Variants in TCF4 observed in about 807,000 individuals in gnomAD.
TCF4 encodes the protein SL3-3 enhancer factor 2.
Under a neutral mutation model 82.1 loss-of-function variants are expected in TCF4, and 3 were observed. The observed-to-expected ratio is 0.04, with a 90% CI of 0.02 to 0.09. The LOEUF (loss-of-function observed/expected upper bound fraction) is 0.09. Ranked by LOEUF, TCF4 falls within the 10% of genes least tolerant of loss-of-function variation. The pLI, the probability that TCF4 is intolerant of heterozygous loss-of-function variation, is 1.00. For synonymous variants in TCF4, 276 were observed against 309.6 expected (o/e 0.89, Z 1.14); for missense variants, 518 against 852.7 (o/e 0.61, Z 4.89).
intron 13 of TCF4, among the ~76,000 whole-genome samples, chr18:55,259,375 T>C (rs992311151): frequency 6.6e-6 from 1 of 152,192 alleles, no homozygotes; most frequent in African/African-American, 2.4e-5. Context: ...CAAATTATAG[T>C]TATTCAATTT....
chr18:55,434,763 C>CGCGTGT (rs1556348983), intron 5 of TCF4, among the ~76,000 whole-genome samples: 4 of 131,722 alleles, frequency 3.0e-5, no homozygotes, highest in Admixed American at 1.6e-4. Context: ...CTCAAGTATT[C>CGCGTGT]GTGTGTGTGT....
chr18:55,483,150 G>A (rs56029033), intron 3 of TCF4, among the ~76,000 whole-genome samples: 5,226 of 152,238 alleles, frequency 0.034, 112 homozygotes, highest in Non-Finnish European at 0.052. Flanking sequence ...GGATGGCTGT[G>A]TCTTTAGCCC....
chr18:55,228,201 A>C lies in TCF4; in HGVS notation c.*4+20T>G. Reference sequence around the variant, plus strand: ...GAGTTTTGAATGATCGATCTCAGAAATGGCTGAAAACAAACTTGCCCTTTT... The same window carrying C: ...GAGTTTTGAATGATCGATCTCAGAACTGGCTGAAAACAAACTTGCCCTTTT... On this transcript the variant is annotated intron_variant, in intron 19 of 19. Transcript: ENST00000354452. The C allele has an allele frequency of 1.2e-6, 2 of 1,614,156 alleles. No individual in the cohort carries two copies. Among genetic ancestry groups the C allele is most frequent in the Non-Finnish European group, 1.7e-6 (2 of 1,180,002 alleles).
At chr18:55,379,236 G>A (rs774690856) in intron 6 of TCF4, among the ~76,000 whole-genome samples, 14 of 152,152 alleles carry the variant, frequency 9.2e-5, no homozygotes, top group Non-Finnish European at 1.9e-4. Flanking sequence ...TGGAGGGTGC[G>A]AAAGGAAGGC....
At chr18:55,414,592 C>A (rs1207521427) in intron 5 of TCF4, among the ~76,000 whole-genome samples, 3 of 152,124 alleles carry the variant, frequency 2.0e-5, no homozygotes, top group African/African-American at 7.2e-5. Flanking sequence ...GCCTTGTCAA[C>A]AAAAATTGTT....
rs76114389 is a variant in TCF4, at chr18:55,229,433, C to T, written c.1650-357G>A. 55 of 312,954 alleles carry T rather than the reference C, an allele frequency of 1.8e-4. No individual in the cohort carries two copies. In the East Asian group the frequency reaches 2.7e-3, roughly 16 times the overall value. 19.4% of individuals were successfully genotyped at this position (312,954 alleles called of 1,614,324 possible). ...TGCAAAGCAGGCATTCACCAACTTA[C>T]GCCTAGCATATGTTGCATAACCACG... is the stretch of plus-strand genomic sequence containing the variant. On this transcript the variant is annotated intron_variant, in intron 17 of 19. Coordinates refer to ENST00000354452, the MANE Select transcript of TCF4 (RefSeq NM_001083962.2).
intron 3 of TCF4, among the ~76,000 whole-genome samples, chr18:55,514,446 C>CA (rs71167300): frequency 2.0e-5 from 3 of 149,110 alleles, no homozygotes; most frequent in Admixed American, 6.7e-5. Context: ...CACACACACA[C>CA]CCCAATCATA....
intron 6 of TCF4, among the ~76,000 whole-genome samples, chr18:55,388,598 T>C (rs2092798846): frequency 6.6e-6 from 1 of 152,178 alleles, no homozygotes; most frequent in South Asian, 2.1e-4. Flanking sequence ...CCTCCATGAA[T>C]GATCCCTAAG....
At chr18:55,625,029 A>G (rs932147673) in intron 2 of TCF4, among the ~76,000 whole-genome samples, 1 of 152,146 alleles carries the variant, frequency 6.6e-6, no homozygotes, top group African/African-American at 2.4e-5. Context: ...AATTATGACC[A>G]TAGAGATAAA....
chr18:55,313,072 T>C (rs1462502566), intron 8 of TCF4, among the ~76,000 whole-genome samples: 1 of 152,116 alleles, frequency 6.6e-6, no homozygotes, highest in Non-Finnish European at 1.5e-5. Flanking sequence ...AGTAATAACT[T>C]ATTGGCTTTA....
chr18:55,358,871 A>C lies in TCF4; in HGVS notation c.370-7868T>G, dbSNP rs542899587. Among the ~76,000 whole-genome samples the C allele has an allele frequency of 2.0e-5, 3 of 152,358 alleles. No homozygotes were observed. In the South Asian group the frequency reaches 6.2e-4, roughly 32 times the overall value. On this transcript the variant is annotated intron_variant, in intron 6 of 19. Transcript: ENST00000354452. ...AAACTCCTTGCCTGGGAAATGTTGT[A>C]TAAGAGTGCCTACCCATGGTAAGAA...
At chr18:55,433,301 T>C (rs1357572543) in intron 5 of TCF4, among the ~76,000 whole-genome samples, 1 of 152,198 alleles carries the variant, frequency 6.6e-6, no homozygotes, top group Non-Finnish European at 1.5e-5. Context: ...TAACAAATGC[T>C]CCTCACAAAC....
At chr18:55,434,345 T>A (rs1379862566) in intron 5 of TCF4, among the ~76,000 whole-genome samples, 1 of 152,154 alleles carries the variant, frequency 6.6e-6, no homozygotes, top group African/African-American at 2.4e-5. Context: ...TTTCTGTTAT[T>A]GTGATATTGT....
chr18:55,531,499 G>GTA, intron 3 of TCF4, among the ~76,000 whole-genome samples: 1 of 152,210 alleles, frequency 6.6e-6, no homozygotes, highest in African/African-American at 2.4e-5. Flanking sequence ...TGTATACACT[G>GTA]TATATATATA....
intron 8 of TCF4, among the ~76,000 whole-genome samples, chr18:55,347,642 G>A (rs757518117): frequency 2.0e-5 from 3 of 152,146 alleles, no homozygotes; most frequent in Non-Finnish European, 4.4e-5. Flanking sequence ...TGATTGCCTG[G>A]GAGGAAGACC....
At chr18:55,567,943 C>T (rs2097424407) in intron 3 of TCF4, among the ~76,000 whole-genome samples, 1 of 151,890 alleles carries the variant, frequency 6.6e-6, no homozygotes, top group Admixed American at 6.6e-5. Flanking sequence ...ATAAGTAATA[C>T]ATTCATTTGT....
intron 8 of TCF4, among the ~76,000 whole-genome samples, chr18:55,318,664 G>T (rs2074745112): frequency 6.6e-6 from 1 of 152,018 alleles, no homozygotes; most frequent in Non-Finnish European, 1.5e-5. Flanking sequence ...CACACTTCTG[G>T]ACAGGTACAG....
intron 6 of TCF4, among the ~76,000 whole-genome samples, chr18:55,382,333 A>G (rs771474408): frequency 3.3e-5 from 5 of 151,978 alleles, no homozygotes; most frequent in Non-Finnish European, 5.9e-5. Flanking sequence ...TCTCAGTTAA[A>G]AAAAAAAAAA....
chr18:55,481,280 A>C (rs1471498044), intron 3 of TCF4, among the ~76,000 whole-genome samples: 1 of 152,212 alleles, frequency 6.6e-6, no homozygotes, highest in Admixed American at 6.5e-5. Context: ...TATTTACACC[A>C]TGGAAATTGG....
Sources: allele counts gnomAD v4.1 joint callset (sites outside exome capture counted in the v4.1 genomes callset), GRCh38; gene constraint gnomAD v4.1.1; transcripts MANE v1.5; gene names NCBI Gene and HGNC (gene_info 2026-07-23, HGNC 2026-07-21).